Variants in TBC1D22A observed in about 807,000 individuals in gnomAD.
TBC1D22A encodes the protein putative GTPase activator.
In TBC1D22A, 38 loss-of-function variants were observed where a neutral mutation model predicts 60.2. The ratio of observed to expected loss-of-function variants is 0.63; its 90% CI spans 0.49 to 0.83. The LOEUF is 0.83. Ranked by LOEUF, TBC1D22A falls within the 40% of genes least tolerant of loss-of-function variation. The pLI, the probability that TBC1D22A is intolerant of heterozygous loss-of-function variation, is 0.00. For missense variants in TBC1D22A, 628 were observed against 701.0 expected (o/e 0.90, Z 1.18); for synonymous variants, 302 against 281.7 (o/e 1.07, Z -0.72).
Position 46,770,828 on chromosome 22 carries a change from CCCT to C in TBC1D22A, c.62+7982_62+7984del, listed in dbSNP as rs2083456133. 4.6e-5 allele frequency among the ~76,000 whole-genome samples: 7 copies of C among 152,292 alleles called. No homozygotes were observed. The South Asian group carries it at 1.2e-3, about 27-fold the overall frequency. Reference sequence around the variant, plus strand: ...GAAGAGATTGTTTATTGGGTAAGAACCCTCAGTCCTGTTTTCCATGCAGAGGGA... The same window carrying C: ...GAAGAGATTGTTTATTGGGTAAGAACCAGTCCTGTTTTCCATGCAGAGGGA... On this transcript the variant is annotated intron_variant, in intron 1 of 12. Transcript: ENST00000337137.
intron 8 of TBC1D22A, among the ~76,000 whole-genome samples, chr22:46,936,133 G>A (rs1246419438): frequency 6.6e-6 from 1 of 152,238 alleles, no homozygotes; most frequent in African/African-American, 2.4e-5. Flanking sequence ...AGGGTGCCGG[G>A]CATGTGCTGG....
intron 11 of TBC1D22A, among the ~76,000 whole-genome samples, chr22:47,040,964 A>C (rs2062822486): frequency 6.6e-6 from 1 of 152,084 alleles, no homozygotes; most frequent in Non-Finnish European, 1.5e-5. Context: ...GGTACACCTG[A>C]AACGGTTACT....
chr22:46,907,959 GC>G (rs1348526729), intron 7 of TBC1D22A, among the ~76,000 whole-genome samples: 2 of 152,206 alleles, frequency 1.3e-5, no homozygotes, highest in African/African-American at 2.4e-5. Context: ...TGAGACAGCC[GC>G]AGAGTGGCTG....
chr22:47,041,268 C>T (rs1032768614), intron 11 of TBC1D22A, among the ~76,000 whole-genome samples: 1 of 152,210 alleles, frequency 6.6e-6, no homozygotes, highest in Non-Finnish European at 1.5e-5. Context: ...TCACTGCCCG[C>T]GCTCCTCACG....
chr22:47,166,361 G>T (rs536240856), intron 12 of TBC1D22A, among the ~76,000 whole-genome samples: 3 of 152,200 alleles, frequency 2.0e-5, no homozygotes, highest in Admixed American at 1.3e-4. Context: ...AAAGAGGCAG[G>T]TGTCATTAAT....
chr22:46,837,062 T>A (rs1302253239), intron 4 of TBC1D22A, among the ~76,000 whole-genome samples: 1 of 151,526 alleles, frequency 6.6e-6, no homozygotes, highest in Non-Finnish European at 1.5e-5. Flanking sequence ...ATATTTGATG[T>A]TAACGTGAAC....
intron 1 of TBC1D22A, among the ~76,000 whole-genome samples, chr22:46,784,362 G>T (rs987291534): frequency 3.3e-5 from 5 of 152,160 alleles, no homozygotes; most frequent in African/African-American, 1.2e-4. Flanking sequence ...TACCTGGCTG[G>T]TTAATATACT....
At chr22:47,124,824 C>T (rs1218732218) in intron 12 of TBC1D22A, among the ~76,000 whole-genome samples, 1 of 152,008 alleles carries the variant, frequency 6.6e-6, no homozygotes, top group Non-Finnish European at 1.5e-5. Flanking sequence ...CTGAGCACAG[C>T]TGGTGTGAGG....
chr22:46,802,089 C>T (rs966784336), intron 4 of TBC1D22A, among the ~76,000 whole-genome samples: 17 of 152,192 alleles, frequency 1.1e-4, no homozygotes, highest in Admixed American at 8.5e-4. Flanking sequence ...CTACCTGTTT[C>T]GTCAGCTGTA....
intron 7 of TBC1D22A, among the ~76,000 whole-genome samples, chr22:46,907,833 G>A (rs1602423505): frequency 6.6e-6 from 1 of 152,226 alleles, no homozygotes; most frequent in South Asian, 2.1e-4. Flanking sequence ...AGGTGGCAGA[G>A]GAGCTTGTCT....
At chr22:46,887,378 G>C (rs1236386946) in intron 5 of TBC1D22A, among the ~76,000 whole-genome samples, 1 of 152,226 alleles carries the variant, frequency 6.6e-6, no homozygotes, top group East Asian at 1.9e-4. Flanking sequence ...GACAGGAGTA[G>C]AGTCACTTTG....
chr22:47,162,403 A>G (rs5005652), intron 12 of TBC1D22A, among the ~76,000 whole-genome samples: 92,408 of 151,538 alleles, frequency 0.61, 28,362 homozygotes, highest in East Asian at 0.71. Context: ...TGGAGTTGCC[A>G]TGGCGTGTGG....
rs529277404 is a variant in TBC1D22A at position 46,832,667 on chromosome 22, A to G, written c.637+35047A>G. Reference sequence around the variant, plus strand: ...GTCTCAAAAAAGAAAAATAAATAAAATATGTTGTCCACATAAAATATTTTA... The same window carrying G: ...GTCTCAAAAAAGAAAAATAAATAAAGTATGTTGTCCACATAAAATATTTTA... On this transcript the variant is annotated intron_variant, in intron 4 of 12. Coordinates refer to ENST00000337137, the MANE Select transcript of TBC1D22A (RefSeq NM_014346.5). Among the ~76,000 whole-genome samples, 7 of 152,342 alleles carry G rather than the reference A, an allele frequency of 4.6e-5. No individual in the cohort carries two copies. In the South Asian group the frequency reaches 1.4e-3, roughly 32 times the overall value.
intron 11 of TBC1D22A, among the ~76,000 whole-genome samples, chr22:47,069,895 A>T (rs1190742159): frequency 7.3e-6 from 1 of 137,056 alleles, no homozygotes; most frequent in Non-Finnish European, 1.5e-5. Context: ...AGCGGAGCTG[A>T]CTTGACGGTT....
intron 7 of TBC1D22A, among the ~76,000 whole-genome samples, chr22:46,901,657 A>G (rs1602385849): frequency 6.6e-6 from 1 of 152,194 alleles, no homozygotes; most frequent in African/African-American, 2.4e-5. Context: ...ACCCAATTCT[A>G]GATTTCTACA....
At chr22:46,786,340 C>G (rs2084159712) in intron 1 of TBC1D22A, among the ~76,000 whole-genome samples, 1 of 152,164 alleles carries the variant, frequency 6.6e-6, no homozygotes, top group Non-Finnish European at 1.5e-5. Context: ...ATTAAACCAA[C>G]CTTGCATTTC....
chr22:47,032,406 C>G (rs1009832098), intron 10 of TBC1D22A, among the ~76,000 whole-genome samples: 1 of 152,334 alleles, frequency 6.6e-6, no homozygotes. Context: ...ACACCAGGTC[C>G]CCCAGACTGG....
At chr22:46,847,917 G>GT (rs1491391299) in intron 4 of TBC1D22A, among the ~76,000 whole-genome samples, 9 of 95,830 alleles carry the variant, frequency 9.4e-5, no homozygotes, top group African/African-American at 4.4e-4. Context: ...GTACCCTAGT[G>GT]GGTGTGTGTG....
chr22:46,904,141 A>ACC lies in TBC1D22A; in HGVS notation c.901-7933_901-7932insCC, dbSNP rs1569199695. The stretch of plus-strand genomic sequence containing the variant: ...TATCTATCTATCTATCTATCTATCT[A>ACC]TCTACCTACCTACCTACCTACCTAC... On this transcript the variant is annotated intron_variant, in intron 7 of 12. Transcript: ENST00000337137. Among the ~76,000 whole-genome samples, 692 of 115,956 alleles carry ACC rather than the reference A, an allele frequency of 6.0e-3. 5 individuals are homozygous for ACC. The highest frequency in any genetic ancestry group is 0.016 in the African/African-American group (447 of 27,506). 76.1% of individuals were successfully genotyped at this position (115,956 alleles called of 152,430 possible). A position where few individuals can be genotyped will look rare whatever the true frequency, so the allele number is the denominator to read the frequency against.
Sources: gnomAD v4.1 joint callset for allele counts (sites outside exome capture counted in the v4.1 genomes callset) on GRCh38, gnomAD v4.1.1 for gene constraint, MANE v1.5 for transcripts, NCBI Gene and HGNC (gene_info 2026-07-23, HGNC 2026-07-21) for gene names.